Variants in CNGB1 observed in about 807,000 individuals in gnomAD.
CNGB1 encodes cyclic nucleotide gated channel subunit beta 1, also known as cyclic nucleotide-gated channel beta-1.
In CNGB1, 126 loss-of-function variants were observed where a neutral mutation model predicts 151.7. That is an observed-to-expected ratio of 0.83 (90% confidence interval 0.72 to 0.96). The LOEUF is 0.96. CNGB1 is among the 40% of genes least tolerant of loss of function. The pLI is 0.00. For synonymous variants in CNGB1, 623 were observed against 635.1 expected (o/e 0.98, Z 0.29); for missense variants, 1,698 against 1,627.0 (o/e 1.04, Z -0.75).
rs61745888 is a variant in CNGB1 at position 57,959,937 on chromosome 16, C to T, written c.712G>A (p.Gly238Ser). 0.019 allele frequency: 30,535 copies of T among 1,581,156 alleles called. 335 individuals carry two copies. The highest frequency in any genetic ancestry group is 0.038 in the Middle Eastern group (180 of 4,714). ...KEAPAPEPQP[G>S]SQAQTSSLPP... Reference sequence around the variant, plus strand: ...AGGGAGGAGGTCTGGGCCTGGGAGCCGGGCTGGGGCTCTGGAGCTGGTGCC... The same window carrying T: ...AGGGAGGAGGTCTGGGCCTGGGAGCTGGGCTGGGGCTCTGGAGCTGGTGCC... Residue 238 changes from glycine (G) to serine (S), a missense_variant, in exon 10 of 33, where the codon GGC becomes AGC. Coordinates refer to ENST00000251102, the MANE Select transcript of CNGB1 (RefSeq NM_001297.5).
intron 25 of CNGB1, among the ~76,000 whole-genome samples, chr16:57,908,573 T>C (rs433573): frequency 0.58 from 88,389 of 152,218 alleles, 26,311 homozygotes; most frequent in African/African-American, 0.73. Flanking sequence ...CTCCTGTCAC[T>C]TCTTTAGGGT....
intron 14 of CNGB1, among the ~76,000 whole-genome samples, chr16:57,948,355 A>C (rs1188083830): frequency 7.3e-6 from 1 of 137,894 alleles, no homozygotes; most frequent in South Asian, 2.3e-4. Context: ...GGGTTTTGCT[A>C]TGTTGGCTAG....
chr16:57,903,041 G>A (rs142027669), intron 27 of CNGB1, among the ~76,000 whole-genome samples: 17 of 152,196 alleles, frequency 1.1e-4, no homozygotes, highest in Non-Finnish European at 1.8e-4. Flanking sequence ...GAGCTCTAGA[G>A]CTGCCCCAGG....
intron 14 of CNGB1, among the ~76,000 whole-genome samples, chr16:57,942,708 CA>C (rs1184987820): frequency 6.6e-6 from 1 of 151,624 alleles, no homozygotes; most frequent in Non-Finnish European, 1.5e-5. Context: ...CTATAAGATA[CA>C]AAAACTAGCT....
At chr16:57,906,014 T>C (rs1317640848) in intron 25 of CNGB1, among the ~76,000 whole-genome samples, 1 of 152,220 alleles carries the variant, frequency 6.6e-6, no homozygotes, top group African/African-American at 2.4e-5. Flanking sequence ...TGTCCACACC[T>C]CAGGCTGAGC....
At position 57,903,993 on chromosome 16, in the gene CNGB1, G is replaced by T. The variant is rs760422461; in HGVS notation, c.2635-12C>A. The T allele has an allele frequency of 3.1e-6, 5 of 1,612,500 alleles. No individual in the cohort carries two copies. In the South Asian group the frequency reaches 4.4e-5, roughly 14 times the overall value. On this transcript the variant is annotated splice_polypyrimidine_tract_variant and intron_variant, in intron 26 of 32. Coordinates refer to ENST00000251102, the MANE Select transcript of CNGB1 (RefSeq NM_001297.5). ...ACCACATCTCTCATCTGGGGGAAGG[G>T]TTATGGGAGGTCAAGGAAGCCACTG...
At chr16:57,942,484 T>A (rs1226301450) in intron 14 of CNGB1, among the ~76,000 whole-genome samples, 1 of 152,068 alleles carries the variant, frequency 6.6e-6, no homozygotes, top group Non-Finnish European at 1.5e-5. Flanking sequence ...ACAATAGCTA[T>A]AAAATAAAAT....
intron 17 of CNGB1, among the ~76,000 whole-genome samples, chr16:57,927,076 G>C (rs1961211066): frequency 6.6e-6 from 1 of 152,214 alleles, no homozygotes; most frequent in Non-Finnish European, 1.5e-5. Context: ...GGCAGCTTCT[G>C]GTCCCCCAGC....
intron 31 of CNGB1, among the ~76,000 whole-genome samples, chr16:57,892,558 C>T (rs967530937): frequency 6.6e-6 from 1 of 152,104 alleles, no homozygotes; most frequent in Non-Finnish European, 1.5e-5. Context: ...CCTTTTACCT[C>T]GAAGCTGCCA....
chr16:57,908,072 G>A (rs1301262877), intron 25 of CNGB1, among the ~76,000 whole-genome samples: 2 of 149,568 alleles, frequency 1.3e-5, no homozygotes, highest in Non-Finnish European at 2.9e-5. Context: ...TATTTTTTTT[G>A]TAGAGAGGGG....
rs766510682 is a variant in CNGB1 at position 57,960,009 on chromosome 16, AG to A, written c.639del (p.Ser214ProfsTer63). On this transcript the variant is annotated frameshift_variant, in exon 10 of 33. Coordinates refer to ENST00000251102, the MANE Select transcript of CNGB1 (RefSeq NM_001297.5). LOFTEE classifies it high-confidence loss of function. ...MGPKLQARETPSLPTPIPLQP... is the reference protein window; with the variant it reads ...MGPKLQARETXSLPTPIPLQP... Reference sequence around the variant, plus strand: ...TGCAGGGGGATGGGTGTGGGCAGGGAGGGGGTCTCCCGGGCCTGCAGCTTGG... The same window carrying A: ...TGCAGGGGGATGGGTGTGGGCAGGGAGGGGTCTCCCGGGCCTGCAGCTTGG... 1 of 1,581,016 alleles carries A rather than the reference AG, an allele frequency of 6.3e-7. No homozygotes were observed. The highest frequency in any genetic ancestry group is 1.2e-5 in the South Asian group (1 of 86,618).
intron 12 of CNGB1, among the ~76,000 whole-genome samples, chr16:57,951,955 C>T (rs555845436): frequency 2.0e-5 from 3 of 152,372 alleles, no homozygotes; most frequent in Admixed American, 6.5e-5. Flanking sequence ...CTCCCGGCTC[C>T]TCTGGCCCTG....
In CNGB1 at chr16:57,889,922, T is replaced by C. The variant is rs369349025; in HGVS notation, c.3243-1848A>G. ...ATTGTGCCTCTGACAGTTGGGGAAA[T>C]TGAGGCTCAGAGCAGGGGGAGTGAC... On this transcript the variant is annotated intron_variant, in intron 31 of 32. Coordinates refer to ENST00000251102, the MANE Select transcript of CNGB1 (RefSeq NM_001297.5). 5.9e-5 allele frequency among the ~76,000 whole-genome samples: 9 copies of C among 152,146 alleles called. No homozygotes were observed. The East Asian group carries it at 1.4e-3, about 23-fold the overall frequency.
intron 32 of CNGB1, among the ~76,000 whole-genome samples, chr16:57,884,729 G>A (rs1229004558): frequency 2.0e-5 from 3 of 152,086 alleles, no homozygotes; most frequent in African/African-American, 7.2e-5. Context: ...CTGGAAGCTG[G>A]GATGAGGCTG....
chr16:57,935,651 C>G (rs796740334), intron 16 of CNGB1, among the ~76,000 whole-genome samples: 45 of 151,746 alleles, frequency 3.0e-4, no homozygotes, highest in South Asian at 2.1e-3. Context: ...CCGTCCCCCC[C>G]CAAAAAAAAA....
intron 21 of CNGB1, among the ~76,000 whole-genome samples, chr16:57,916,721 G>T (rs983980346): frequency 1.5e-4 from 23 of 152,108 alleles, no homozygotes; most frequent in African/African-American, 5.3e-4. Flanking sequence ...TTCCTCCCTG[G>T]TAAGGCAGGG....
chr16:57,916,626 C>T (rs538586154), intron 21 of CNGB1, among the ~76,000 whole-genome samples: 3 of 152,260 alleles, frequency 2.0e-5, no homozygotes, highest in Non-Finnish European at 2.9e-5. Context: ...CAGGCACTGC[C>T]GGGGTGGAAT....
chr16:57,897,952 C>T (rs1190123316), intron 29 of CNGB1, 38 bp from the exon 30 acceptor site: 1 of 1,603,724 alleles, frequency 6.2e-7, no homozygotes, highest in African/African-American at 1.3e-5. Context: ...TGTTCATCCC[C>T]CAAAGTCACC....
Position 57,890,339 on chromosome 16 carries a change from C to T in CNGB1, c.3243-2265G>A, listed in dbSNP as rs114854036. 4.6e-3 allele frequency among the ~76,000 whole-genome samples: 699 copies of T among 152,296 alleles called. 3 individuals are homozygous for T. The highest frequency in any genetic ancestry group is 0.016 in the African/African-American group (659 of 41,568). ...AACACAAACATGATAATTCACCAGA[C>T]GCCTCTGACACGCGCCAGCTCGGCA... On this transcript the variant is annotated intron_variant, in intron 31 of 32. Coordinates refer to ENST00000251102, the MANE Select transcript of CNGB1 (RefSeq NM_001297.5).
Sources: gnomAD v4.1 joint callset for allele counts (sites outside exome capture counted in the v4.1 genomes callset) on GRCh38, gnomAD v4.1.1 for gene constraint, MANE v1.5 for transcripts, NCBI Gene and HGNC (gene_info 2026-07-23, HGNC 2026-07-21) for gene names.